Variants in RIT2 observed in about 807,000 individuals in gnomAD.
RIT2 encodes the protein Ras like without CAAX 2.
RIT2 carries 24 observed loss-of-function variants against 23.7 expected under a neutral mutation model. The observed-to-expected ratio is 1.01, with a 90% CI of 0.73 to 1.43. RIT2 has a LOEUF of 1.43. RIT2 is among the 40% of genes most tolerant of loss of function. The pLI, the probability that RIT2 is intolerant of heterozygous loss-of-function variation, is 0.00. For missense variants in RIT2, 236 were observed against 266.9 expected, an observed-to-expected ratio of 0.88 and a Z score of 0.81; for synonymous variants, 107 against 91.1, an observed-to-expected ratio of 1.17 and a Z score of -0.99.
intron 4 of RIT2, among the ~76,000 whole-genome samples, chr18:42,750,332 A>T (rs522755): frequency 6.6e-6 from 1 of 151,722 alleles, no homozygotes. Flanking sequence ...TTTTCTGGGC[A>T]CCTTTAATAA....
At chr18:43,079,776 C>T (rs184607691) in intron 1 of RIT2, among the ~76,000 whole-genome samples, 1 of 152,298 alleles carries the variant, frequency 6.6e-6, no homozygotes, top group Admixed American at 6.5e-5. Context: ...TTTCATCAGA[C>T]TCACTGTCGG....
intron 1 of RIT2, among the ~76,000 whole-genome samples, chr18:43,081,388 C>A (rs1422429000): frequency 6.6e-6 from 1 of 152,028 alleles, no homozygotes; most frequent in Non-Finnish European, 1.5e-5. Context: ...TTATTGGCAA[C>A]CATGCATTCT....
intron 3 of RIT2, among the ~76,000 whole-genome samples, chr18:42,938,589 C>G (rs1171584072): frequency 1.3e-5 from 2 of 152,036 alleles, no homozygotes; most frequent in Non-Finnish European, 2.9e-5. Flanking sequence ...AATTTTACTT[C>G]CAAAATAGCA....
intron 4 of RIT2, among the ~76,000 whole-genome samples, chr18:42,785,236 C>T (rs2143938212): frequency 1.3e-5 from 2 of 152,108 alleles, no homozygotes; most frequent in South Asian, 2.1e-4. Flanking sequence ...GGACATTTTA[C>T]TTTAAGTCTC....
chr18:42,866,079 T>C (rs896365899), intron 4 of RIT2, among the ~76,000 whole-genome samples: 1 of 152,154 alleles, frequency 6.6e-6, no homozygotes, highest in Non-Finnish European at 1.5e-5. Context: ...CATCTCACAA[T>C]ACAGTCCATA....
intron 4 of RIT2, among the ~76,000 whole-genome samples, chr18:42,891,677 A>G (rs1908179500): frequency 6.6e-6 from 1 of 152,174 alleles, no homozygotes; most frequent in Non-Finnish European, 1.5e-5. Context: ...CAACAATATG[A>G]CATTCTGGAA....
chr18:42,763,323 G>A (rs1378439423), intron 4 of RIT2, among the ~76,000 whole-genome samples: 1 of 152,120 alleles, frequency 6.6e-6, no homozygotes, highest in Non-Finnish European at 1.5e-5. Flanking sequence ...TTAGCTGGGT[G>A]TGGTGGCAGG....
intron 3 of RIT2, among the ~76,000 whole-genome samples, chr18:42,932,469 AC>A: frequency 6.6e-6 from 1 of 152,186 alleles, no homozygotes; most frequent in South Asian, 2.1e-4. Context: ...TGATTTTAAG[AC>A]CCTATATAAT....
At chr18:42,823,018 G>A (rs990555154) in intron 4 of RIT2, among the ~76,000 whole-genome samples, 65 of 152,238 alleles carry the variant, frequency 4.3e-4, no homozygotes, top group African/African-American at 1.4e-3. Flanking sequence ...AAGCCTATCC[G>A]TGGAGCATCC....
At chr18:42,898,376 A>G (rs1360520662) in intron 4 of RIT2, among the ~76,000 whole-genome samples, 4 of 152,186 alleles carry the variant, frequency 2.6e-5, no homozygotes, top group Non-Finnish European at 5.9e-5. Flanking sequence ...CCTGGGCGAC[A>G]GAGTGAGACT....
chr18:42,881,359 A>T (rs1907890312), intron 4 of RIT2, among the ~76,000 whole-genome samples: 1 of 152,120 alleles, frequency 6.6e-6, no homozygotes, highest in Non-Finnish European at 1.5e-5. Context: ...ATAGATTCAA[A>T]TTTTTACCCC....
At chr18:43,055,692 C>T (rs1312628276) in intron 1 of RIT2, among the ~76,000 whole-genome samples, 2 of 152,070 alleles carry the variant, frequency 1.3e-5, no homozygotes, top group African/African-American at 4.8e-5. Flanking sequence ...ATAAAATCCA[C>T]AGGTGTAACT....
chr18:43,005,119 C>T (rs1035897628), intron 2 of RIT2, among the ~76,000 whole-genome samples: 1 of 151,722 alleles, frequency 6.6e-6, no homozygotes, highest in Admixed American at 6.6e-5. Context: ...GTGCCCAACC[C>T]CTCAACTCTT....
At chr18:42,773,258 C>T (rs181407800) in intron 4 of RIT2, among the ~76,000 whole-genome samples, 48 of 151,888 alleles carry the variant, frequency 3.2e-4, no homozygotes, top group Admixed American at 1.0e-3. Context: ...TCTGAGAAAA[C>T]GGATTGAAAG....
At chr18:42,875,769 C>T (rs934200834) in intron 4 of RIT2, among the ~76,000 whole-genome samples, 2 of 152,010 alleles carry the variant, frequency 1.3e-5, no homozygotes, top group Non-Finnish European at 2.9e-5. Context: ...TCTTTCTATC[C>T]TGTGTTTTTC....
intron 2 of RIT2, among the ~76,000 whole-genome samples, chr18:43,013,745 C>T (rs1261406792): frequency 3.3e-5 from 5 of 151,638 alleles, no homozygotes; most frequent in Non-Finnish European, 5.9e-5. Flanking sequence ...GTATCAAATG[C>T]TATGAACTTG....
intron 4 of RIT2, among the ~76,000 whole-genome samples, chr18:42,879,892 T>C (rs1264065628): frequency 2.0e-5 from 3 of 152,228 alleles, no homozygotes; most frequent in African/African-American, 2.4e-5. Context: ...AATGTATTTA[T>C]AGGTATTACA....
chr18:42,977,838 A>C (rs1360153083), intron 2 of RIT2, among the ~76,000 whole-genome samples: 1 of 148,582 alleles, frequency 6.7e-6, no homozygotes, highest in East Asian at 2.0e-4. Context: ...GTATGATTTT[A>C]GCAACTCTCA....
chr18:43,047,974 C>T (rs1912288227), intron 1 of RIT2, among the ~76,000 whole-genome samples: 1 of 152,092 alleles, frequency 6.6e-6, no homozygotes, highest in South Asian at 2.1e-4. Context: ...AGTTGAAGTA[C>T]ATGAGGCCAA....
Sources: gnomAD v4.1 joint callset for allele counts (sites outside exome capture counted in the v4.1 genomes callset) on GRCh38, gnomAD v4.1.1 for gene constraint, MANE v1.5 for transcripts, NCBI Gene and HGNC (gene_info 2026-07-23, HGNC 2026-07-21) for gene names.